The following ADK variants were observed in gnomAD, a reference collection of about 807,000 sequenced individuals.
ADK encodes adenosine kinase.
A neutral mutation model predicts 44.7 loss-of-function variants in ADK; 24 were observed. The ratio of observed to expected loss-of-function variants is 0.54; its 90% confidence interval spans 0.39 to 0.76. The LOEUF (loss-of-function observed/expected upper bound fraction) is 0.76. Ranked by LOEUF, ADK falls within the 30% of genes least tolerant of loss-of-function variation. ADK has a pLI of 0.00. For synonymous variants in ADK, 128 were observed against 142.6 expected (o/e 0.90, Z 0.73); for missense variants, 321 against 425.1 (o/e 0.76, Z 2.15).
At chr10:74,626,595 G>A (rs1457870298) in intron 9 of ADK, among the ~76,000 whole-genome samples, 1 of 152,082 alleles carries the variant, frequency 6.6e-6, no homozygotes, top group African/African-American at 2.4e-5. Flanking sequence ...GAGCCACTGC[G>A]CCTGGCCCAA....
chr10:74,318,338 T>C (rs761348211), intron 4 of ADK, among the ~76,000 whole-genome samples: 1 of 151,994 alleles, frequency 6.6e-6, no homozygotes, highest in Non-Finnish European at 1.5e-5. Context: ...GCTAATTTAT[T>C]TGTTGTAGAG....
rs184045525 is a variant in ADK at position 74,250,864 on chromosome 10, A to G, written c.194+26273A>G. Reference sequence around the variant, plus strand: ...GACATGATCACAGCTCACTGCAGCTAGGGCTACAGATGTGTGCCACCATGG... The same window carrying G: ...GACATGATCACAGCTCACTGCAGCTGGGGCTACAGATGTGTGCCACCATGG... On this transcript the variant is annotated intron_variant, in intron 3 of 10. Coordinates refer to ENST00000539909, the MANE Select transcript of ADK (RefSeq NM_006721.4). 2.4e-4 allele frequency among the ~76,000 whole-genome samples: 36 copies of G among 152,204 alleles called. No homozygotes were observed. The East Asian group carries it at 7.0e-3, about 29-fold the overall frequency.
chr10:74,661,609 A>G (rs1164041476), intron 9 of ADK, among the ~76,000 whole-genome samples: 1 of 152,144 alleles, frequency 6.6e-6, no homozygotes, highest in Non-Finnish European at 1.5e-5. Flanking sequence ...GATCCCACCC[A>G]TCTTGATTTA....
chr10:74,477,097 C>G (rs1846878740), intron 6 of ADK, among the ~76,000 whole-genome samples: 1 of 152,108 alleles, frequency 6.6e-6, no homozygotes, highest in Admixed American at 6.6e-5. Flanking sequence ...TATCCTCCCA[C>G]TTTGGTTTGT....
intron 6 of ADK, among the ~76,000 whole-genome samples, chr10:74,505,021 C>A (rs1196089924): frequency 6.6e-6 from 1 of 152,032 alleles, no homozygotes; most frequent in Non-Finnish European, 1.5e-5. Flanking sequence ...TCCTAGTAGT[C>A]TTCACACTGA....
At chr10:74,445,048 A>T (rs1437812241) in intron 6 of ADK, among the ~76,000 whole-genome samples, 3 of 152,072 alleles carry the variant, frequency 2.0e-5, no homozygotes, top group Admixed American at 2.0e-4. Context: ...ACAAATATAA[A>T]CAATGGGTTG....
intron 6 of ADK, among the ~76,000 whole-genome samples, chr10:74,490,957 A>T (rs1437549471): frequency 6.6e-6 from 1 of 152,092 alleles, no homozygotes; most frequent in Admixed American, 6.6e-5. Context: ...TTTTCTTGTT[A>T]TTTATAAAAA....
In ADK at chr10:74,414,092, AT is replaced by A. The variant is rs530582640; in HGVS notation, c.555+15514del. ...TAGATCAGTGATCACTATAAAAGAT[AT>A]AAAAGTTTGAAATATTGAAAGAATT... is the stretch of plus-strand genomic sequence containing the variant. On this transcript the variant is annotated intron_variant, in intron 6 of 10. Transcript: ENST00000539909. Among the ~76,000 whole-genome samples the A allele has an allele frequency of 2.4e-3, 365 of 152,340 alleles. 2 individuals are homozygous for A. The highest frequency in any genetic ancestry group is 8.3e-3 in the African/African-American group (347 of 41,576).
rs35081179 is a variant in ADK at position 74,267,790 on chromosome 10, G to GTGTGTGTGTGTGTGTGTGTC, written c.194+43202_194+43203insGTGTGTGTGTGTGTGTCTGT. The stretch of plus-strand genomic sequence containing the variant: ...TGTGTGTGTGTGTGTGTGTGTGTGT[G>GTGTGTGTGTGTGTGTGTGTC]TGTCTGTCTGTCTGTTTTAGTGGCT... On this transcript the variant is annotated intron_variant, in intron 3 of 10. Coordinates refer to ENST00000539909, the MANE Select transcript of ADK (RefSeq NM_006721.4). Among the ~76,000 whole-genome samples the GTGTGTGTGTGTGTGTGTGTC allele has an allele frequency of 2.8e-4, 41 of 145,708 alleles. 1 individual carries two copies. The highest frequency in any genetic ancestry group is 1.1e-3 in the African/African-American group (40 of 37,632).
intron 3 of ADK, among the ~76,000 whole-genome samples, chr10:74,231,261 A>G (rs1454720615): frequency 1.3e-5 from 2 of 152,234 alleles, no homozygotes; most frequent in African/African-American, 4.8e-5. Flanking sequence ...TCAAATGTAT[A>G]CATTTTACAA....
chr10:74,437,321 C>T (rs1307684256), intron 6 of ADK, among the ~76,000 whole-genome samples: 1 of 152,064 alleles, frequency 6.6e-6, no homozygotes, highest in Admixed American at 6.6e-5. Flanking sequence ...AAACTATTTC[C>T]AAATGTATAT....
intron 1 of ADK, among the ~76,000 whole-genome samples, chr10:74,191,162 G>T (rs1017630065): frequency 2.6e-5 from 4 of 151,882 alleles, no homozygotes; most frequent in Admixed American, 1.3e-4. Context: ...TGTATTTTTA[G>T]TAGCGACGGG....
intron 7 of ADK, among the ~76,000 whole-genome samples, chr10:74,576,520 T>C (rs1426089548): frequency 6.6e-6 from 1 of 152,150 alleles, no homozygotes; most frequent in African/African-American, 2.4e-5. Context: ...TGTTACACTA[T>C]GCAGAAATCC....
At chr10:74,644,520 G>C (rs1440286361) in intron 9 of ADK, among the ~76,000 whole-genome samples, 1 of 152,156 alleles carries the variant, frequency 6.6e-6, no homozygotes, top group African/African-American at 2.4e-5. Flanking sequence ...TTAAGTGAAA[G>C]AATTGGTTTT....
chr10:74,444,218 G>A (rs1214402884), intron 6 of ADK, among the ~76,000 whole-genome samples: 2 of 152,100 alleles, frequency 1.3e-5, no homozygotes, highest in African/African-American at 2.4e-5. Context: ...CTGTGCAAAT[G>A]CTGGCTAATT....
At chr10:74,208,283 G>C (rs1421585373) in intron 2 of ADK, among the ~76,000 whole-genome samples, 2 of 152,248 alleles carry the variant, frequency 1.3e-5, no homozygotes, top group African/African-American at 4.8e-5. Flanking sequence ...CTTGGAAGTG[G>C]GTGTGGCTCC....
intron 10 of ADK, among the ~76,000 whole-genome samples, chr10:74,700,892 G>A (rs534217668): frequency 6.6e-6 from 1 of 152,226 alleles, no homozygotes; most frequent in African/African-American, 2.4e-5. Context: ...AAAACTGAAA[G>A]CAAACTGAAA....
intron 4 of ADK, among the ~76,000 whole-genome samples, chr10:74,382,863 A>T (rs1218781652): frequency 6.6e-6 from 1 of 152,014 alleles, no homozygotes; most frequent in Admixed American, 6.6e-5. Context: ...TAGGTGGCCT[A>T]GACCGTGTTA....
intron 2 of ADK, among the ~76,000 whole-genome samples, chr10:74,221,708 A>G (rs945858521): frequency 3.4e-5 from 5 of 146,500 alleles, no homozygotes; most frequent in Non-Finnish European, 6.0e-5. Flanking sequence ...GCCCTCAGAA[A>G]TAACGCCGCA....
Sources: allele counts gnomAD v4.1 joint callset (sites outside exome capture counted in the v4.1 genomes callset), GRCh38; gene constraint gnomAD v4.1.1; transcripts MANE v1.5; gene names NCBI Gene and HGNC (gene_info 2026-07-23, HGNC 2026-07-21).